The following B4GALT6 variants were observed in gnomAD, a reference collection of about 807,000 sequenced individuals.
B4GALT6 encodes the protein UDP-Gal:beta-GlcNAc beta-1,4-galactosyltransferase 6.
In B4GALT6, 14 loss-of-function variants were observed where a neutral mutation model predicts 46.3. The observed-to-expected ratio is 0.30, with a 90% CI of 0.20 to 0.47. The LOEUF (loss-of-function observed/expected upper bound fraction) is 0.47. Ranked by LOEUF, B4GALT6 falls within the 20% of genes least tolerant of loss-of-function variation. The probability of loss-of-function intolerance (pLI) is 0.99; values close to 1 mark genes in which losing one functional copy is unlikely to be tolerated. For synonymous variants in B4GALT6, 168 were observed against 162.0 expected (o/e 1.04, Z -0.28); for missense variants, 386 against 480.1 (o/e 0.80, Z 1.83).
intron 3 of B4GALT6, among the ~76,000 whole-genome samples, chr18:31,646,307 G>A (rs1303900075): frequency 6.6e-6 from 1 of 152,164 alleles, no homozygotes; most frequent in Admixed American, 6.5e-5. Context: ...CTTTTCTAAT[G>A]TATACCATTG....
chr18:31,702,252 C>T, the B4GALT6 span, among the ~76,000 whole-genome samples: 1 of 152,198 alleles, frequency 6.6e-6, no homozygotes, highest in Admixed American at 6.5e-5. Flanking sequence ...TACAAATACT[C>T]TTTGGTGTAG....
At position 31,649,575 on chromosome 18, in the gene B4GALT6, CAAAA is replaced by C. The variant is rs66578099; in HGVS notation, c.347-4100_347-4097del. On this transcript the variant is annotated intron_variant, in intron 3 of 8. Coordinates refer to ENST00000306851, the MANE Select transcript of B4GALT6 (RefSeq NM_004775.5). ...AAAAACAACCCCATTAAAAAATGAG[CAAAA>C]AAAAAAAAAAAAAAATGAGCAAAAG... 4.1e-3 allele frequency among the ~76,000 whole-genome samples: 422 copies of C among 102,420 alleles called. 1 individual carries two copies. The highest frequency in any genetic ancestry group is 5.7e-3 in the African/African-American group (174 of 30,644). The allele number at this position is 102,420 out of a possible 152,430, so 67.2% of individuals were successfully genotyped here. A position where few individuals can be genotyped will look rare whatever the true frequency, so the allele number is the denominator to read the frequency against.
chr18:31,638,518 C>G (rs993306242), intron 5 of B4GALT6, 126 bp downstream of exon 5: 3 of 815,892 alleles, frequency 3.7e-6, no homozygotes, highest in African/African-American at 1.7e-5. Flanking sequence ...CACAGCAAGA[C>G]TCTGTCTCAA....
chr18:31,624,228 T>G lies in B4GALT6; in HGVS notation c.*1386A>C, dbSNP rs2073656754. ...CATATAGAAGACATTATGGCATCAGTGCACCAAATAACTCATCACGTATTT... is the reference window on the plus strand; with the variant it reads ...CATATAGAAGACATTATGGCATCAGGGCACCAAATAACTCATCACGTATTT... On this transcript the variant is annotated 3_prime_UTR_variant, in exon 9 of 9. Coordinates refer to ENST00000306851, the MANE Select transcript of B4GALT6 (RefSeq NM_004775.5). 6.6e-6 allele frequency: 1 copy of G among 151,994 alleles called. No individual in the cohort carries two copies. Among genetic ancestry groups the G allele is most frequent in the Non-Finnish European group, 1.5e-5 (1 of 67,874 alleles). 9.4% of individuals were successfully genotyped at this position (151,994 alleles called of 1,614,324 possible).
At chr18:31,676,570 G>A (rs939521736) in intron 1 of B4GALT6, among the ~76,000 whole-genome samples, 9 of 152,172 alleles carry the variant, frequency 5.9e-5, no homozygotes, top group Admixed American at 3.3e-4. Flanking sequence ...TAATGTATCC[G>A]TCCATTTCTC....
intron 2 of B4GALT6, among the ~76,000 whole-genome samples, chr18:31,664,018 G>T (rs187224034): frequency 2.6e-5 from 4 of 152,264 alleles, no homozygotes; most frequent in Non-Finnish European, 5.9e-5. Flanking sequence ...CAGTGTTATC[G>T]CATGTGGCCA....
At position 31,630,830 on chromosome 18, in the gene B4GALT6, T is replaced by C. The variant is rs969255561; in HGVS notation, c.776+129A>G. 3 of 980,404 alleles carry C rather than the reference T, an allele frequency of 3.1e-6. No individual in the cohort carries two copies. In the African/African-American group the frequency reaches 5.0e-5, roughly 16 times the overall value. The allele number at this position is 980,404 out of a possible 1,614,324, so 60.7% of individuals were successfully genotyped here. Reference sequence around the variant, plus strand: ...GTCCTGGCTCCCCAGGAGGACACGATGGAGTTAAAGATGATATTCTTGGGG... The same window carrying C: ...GTCCTGGCTCCCCAGGAGGACACGACGGAGTTAAAGATGATATTCTTGGGG... On this transcript the variant is annotated intron_variant, in intron 6 of 8. Coordinates refer to ENST00000306851, the MANE Select transcript of B4GALT6 (RefSeq NM_004775.5).
the B4GALT6 span, among the ~76,000 whole-genome samples, chr18:31,712,284 GTTATTTTTTTTTTTTT>G: frequency 2.3e-5 from 2 of 88,290 alleles, no homozygotes; most frequent in African/African-American, 1.0e-4. Flanking sequence ...CTACTGGGAC[GTTATTTTTTTTTTTTT>G]TTTTTTTTTT....
At position 31,622,432 on chromosome 18, in the gene B4GALT6, T is replaced by C. The variant is rs191909751; in HGVS notation, c.*3182A>G. On this transcript the variant is annotated 3_prime_UTR_variant, in exon 9 of 9. Coordinates refer to ENST00000306851, the MANE Select transcript of B4GALT6 (RefSeq NM_004775.5). Reference sequence around the variant, plus strand: ...TTCCTCTTTCTGATAAACAATACTATAACCATTTTAGTTCTCTCAACCGGC... The same window carrying C: ...TTCCTCTTTCTGATAAACAATACTACAACCATTTTAGTTCTCTCAACCGGC... 392 of 152,140 alleles carry C rather than the reference T, an allele frequency of 2.6e-3. 2 individuals are homozygous for C. Among genetic ancestry groups the C allele is most frequent in the African/African-American group, 9.3e-3 (385 of 41,550 alleles). 9.4% of individuals were successfully genotyped at this position (152,140 alleles called of 1,614,324 possible). A position where few individuals can be genotyped will look rare whatever the true frequency, so the allele number is the denominator to read the frequency against.
intron 2 of B4GALT6, among the ~76,000 whole-genome samples, chr18:31,665,311 C>T (rs550702210): frequency 2.0e-5 from 3 of 152,324 alleles, no homozygotes; most frequent in East Asian, 1.9e-4. Context: ...CTGCCATAAA[C>T]GAGCATTCAC....
At chr18:31,688,732 T>C (rs1156564309), upstream of B4GALT6, among the ~76,000 whole-genome samples, 13 of 152,164 alleles carry the variant, frequency 8.5e-5, no homozygotes. Context: ...TATTATTATG[T>C]CCTTCTGAGA....
the B4GALT6 span, among the ~76,000 whole-genome samples, chr18:31,710,232 C>T: frequency 6.6e-6 from 1 of 152,076 alleles, no homozygotes; most frequent in East Asian, 1.9e-4. Context: ...CTAAAATAGA[C>T]ACCAAGTAAG....
At chr18:31,696,789 G>A in the B4GALT6 span, among the ~76,000 whole-genome samples, 1 of 152,104 alleles carries the variant, frequency 6.6e-6, no homozygotes, top group Non-Finnish European at 1.5e-5. Flanking sequence ...CTGCAGTATA[G>A]CCTTTATAGT....
At chr18:31,649,768 G>A (rs1295332216) in intron 3 of B4GALT6, among the ~76,000 whole-genome samples, 4 of 152,162 alleles carry the variant, frequency 2.6e-5, no homozygotes, top group African/African-American at 7.2e-5. Context: ...AGATGCTGGC[G>A]AGGCTTGGGA....
At chr18:31,634,416 G>A (rs2073832063) in intron 5 of B4GALT6, among the ~76,000 whole-genome samples, 1 of 152,190 alleles carries the variant, frequency 6.6e-6, no homozygotes, top group Non-Finnish European at 1.5e-5. Context: ...TACCTTCTGT[G>A]ACAGCACTGA....
intron 1 of B4GALT6, among the ~76,000 whole-genome samples, chr18:31,679,424 CTT>C (rs892696268): frequency 3.9e-5 from 6 of 152,210 alleles, no homozygotes; most frequent in African/African-American, 1.4e-4. Context: ...TCTCTCATCT[CTT>C]GAGTGTGGAA....
chr18:31,685,361 G>A (rs1161193157), upstream of B4GALT6, among the ~76,000 whole-genome samples: 1 of 151,706 alleles, frequency 6.6e-6, no homozygotes, highest in Non-Finnish European at 1.5e-5. Flanking sequence ...GCCGCGTCTG[G>A]TTGGAGAAAG....
intron 1 of B4GALT6, among the ~76,000 whole-genome samples, chr18:31,669,619 G>A (rs1335127565): frequency 1.3e-5 from 2 of 151,942 alleles, no homozygotes; most frequent in Non-Finnish European, 2.9e-5. Flanking sequence ...GAAAAGAGAC[G>A]AAGAGAAAAA....
At chr18:31,649,596 G>C (rs1331650262) in intron 3 of B4GALT6, among the ~76,000 whole-genome samples, 1 of 116,822 alleles carries the variant, frequency 8.6e-6, no homozygotes, top group East Asian at 2.7e-4. Flanking sequence ...AAAAAAAAAT[G>C]AGCAAAAGAT....
Sources: gnomAD v4.1 joint callset for allele counts (sites outside exome capture counted in the v4.1 genomes callset) on GRCh38, gnomAD v4.1.1 for gene constraint, MANE v1.5 for transcripts, NCBI Gene and HGNC (gene_info 2026-07-23, HGNC 2026-07-21) for gene names.